The following CNTNAP2 variants were observed in gnomAD, a reference collection of about 807,000 sequenced individuals.
CNTNAP2 encodes the protein contactin-associated protein-like 2.
A neutral mutation model predicts 155.2 loss-of-function variants in CNTNAP2; 98 were observed. The ratio of observed to expected loss-of-function variants is 0.63; its 90% confidence interval spans 0.54 to 0.75. The LOEUF (loss-of-function observed/expected upper bound fraction) is 0.75, where lower values mean the gene tolerates loss of function less well. Ranked by LOEUF, CNTNAP2 falls within the 30% of genes least tolerant of loss-of-function variation. The pLI is 0.00. For synonymous variants in CNTNAP2, 651 were observed against 631.2 expected, an observed-to-expected ratio of 1.03 and a Z score of -0.47; for missense variants, 1,727 against 1,688.1, an observed-to-expected ratio of 1.02 and a Z score of -0.40.
chr7:147,871,995 A>T (rs997786636), intron 13 of CNTNAP2, among the ~76,000 whole-genome samples: 3 of 152,136 alleles, frequency 2.0e-5, no homozygotes, highest in Non-Finnish European at 4.4e-5. Flanking sequence ...AGTGAAATTG[A>T]TTTTTAAATT....
At chr7:148,411,432 A>C (rs1799835267) in intron 23 of CNTNAP2, among the ~76,000 whole-genome samples, 1 of 151,952 alleles carries the variant, frequency 6.6e-6, no homozygotes, top group African/African-American at 2.4e-5. Flanking sequence ...TGCCTGGCTA[A>C]TTTTTGTATT....
At chr7:147,937,351 A>T (rs1800629641) in intron 14 of CNTNAP2, among the ~76,000 whole-genome samples, 1 of 152,136 alleles carries the variant, frequency 6.6e-6, no homozygotes, top group Admixed American at 6.5e-5. Context: ...CAACCATCAT[A>T]ACACATTCCA....
At chr7:147,495,062 G>C (rs6978820) in intron 11 of CNTNAP2, among the ~76,000 whole-genome samples, 3 of 152,076 alleles carry the variant, frequency 2.0e-5, no homozygotes, top group Admixed American at 2.0e-4. Flanking sequence ...TTATGAAGTA[G>C]ACAAGGTAGT....
intron 18 of CNTNAP2, among the ~76,000 whole-genome samples, 178 bp from the exon 19 acceptor site, chr7:148,217,108 CTT>C (rs11384134): frequency 3.5e-5 from 5 of 144,192 alleles, no homozygotes; most frequent in Non-Finnish European, 1.5e-5. Context: ...CTGTTACATG[CTT>C]TTTTTTTTTT....
At chr7:146,829,278 C>A (rs563744378) in intron 2 of CNTNAP2, among the ~76,000 whole-genome samples, 1 of 151,928 alleles carries the variant, frequency 6.6e-6, no homozygotes, top group Admixed American at 6.6e-5. Flanking sequence ...TGCCTAATTG[C>A]CAGAAGGTTA....
At chr7:147,944,354 C>T (rs963863305) in intron 14 of CNTNAP2, among the ~76,000 whole-genome samples, 1 of 152,162 alleles carries the variant, frequency 6.6e-6, no homozygotes, top group African/African-American at 2.4e-5. Context: ...CACATTGACT[C>T]CTGATGTCCC....
At chr7:146,579,274 C>A (rs1798573334) in intron 1 of CNTNAP2, among the ~76,000 whole-genome samples, 1 of 151,976 alleles carries the variant, frequency 6.6e-6, no homozygotes, top group Non-Finnish European at 1.5e-5. Flanking sequence ...AGCTACTTCT[C>A]AAAATTCCAT....
intron 1 of CNTNAP2, among the ~76,000 whole-genome samples, chr7:146,257,216 G>T (rs1170962144): frequency 6.6e-6 from 1 of 152,154 alleles, no homozygotes; most frequent in Non-Finnish European, 1.5e-5. Flanking sequence ...TAAAGGGGGA[G>T]ATGAATTATG....
intron 15 of CNTNAP2, among the ~76,000 whole-genome samples, chr7:148,094,822 G>T (rs1463716743): frequency 6.6e-6 from 1 of 152,210 alleles, no homozygotes; most frequent in East Asian, 1.9e-4. Flanking sequence ...AGCACGTTCT[G>T]ATAGAATTTT....
At chr7:147,782,586 T>C (rs1797675762) in intron 13 of CNTNAP2, among the ~76,000 whole-genome samples, 1 of 152,152 alleles carries the variant, frequency 6.6e-6, no homozygotes, top group Non-Finnish European at 1.5e-5. Flanking sequence ...TCAGGCCTCT[T>C]ATATAAAATA....
rs140996064 is a variant in CNTNAP2, at chr7:146,321,158, T to TG, written c.97+204189dup. 2.6e-3 allele frequency among the ~76,000 whole-genome samples: 389 copies of TG among 152,148 alleles called. 4 individuals carry two copies. The highest frequency in any genetic ancestry group is 9.0e-3 in the African/African-American group (373 of 41,506). On this transcript the variant is annotated intron_variant, in intron 1 of 23. Coordinates refer to ENST00000361727, the MANE Select transcript of CNTNAP2 (RefSeq NM_014141.6). ...GATGATGCGCTTATTAGGAAAACAG[T>TG]GGGGTAAAATAGGGTAGCCGAAATG...
At chr7:147,702,777 C>A (rs984399742) in intron 13 of CNTNAP2, among the ~76,000 whole-genome samples, 3 of 152,020 alleles carry the variant, frequency 2.0e-5, no homozygotes, top group Admixed American at 2.0e-4. Flanking sequence ...CAGAGGGCCC[C>A]AAGTTCAGAA....
At chr7:147,979,000 C>T (rs1801478428) in intron 15 of CNTNAP2, among the ~76,000 whole-genome samples, 2 of 152,078 alleles carry the variant, frequency 1.3e-5, no homozygotes, top group Non-Finnish European at 2.9e-5. Flanking sequence ...ATATTATTAC[C>T]ACTTTGTAAA....
intron 9 of CNTNAP2, among the ~76,000 whole-genome samples, chr7:147,324,535 CTTAAAGG>C (rs60561871): frequency 0.15 from 22,323 of 152,008 alleles, 2,771 homozygotes; most frequent in East Asian, 0.7. Context: ...TAGATATCAA[CTTAAAGG>C]TTAAAGACAT....
At chr7:147,054,851 T>A (rs1200972493) in intron 4 of CNTNAP2, among the ~76,000 whole-genome samples, 4 of 152,158 alleles carry the variant, frequency 2.6e-5, no homozygotes, top group Non-Finnish European at 4.4e-5. Flanking sequence ...TCTTTTATAG[T>A]TAGACTTGAA....
At chr7:146,801,685 T>C (rs541344327) in intron 2 of CNTNAP2, among the ~76,000 whole-genome samples, 2 of 152,300 alleles carry the variant, frequency 1.3e-5, no homozygotes, top group Admixed American at 1.3e-4. Flanking sequence ...TTATTTTTAA[T>C]TGTTTTTCCA....
In CNTNAP2 at chr7:146,662,795, A is replaced by G. The variant is rs536318996; in HGVS notation, c.98-111476A>G. ...TGGTTGAGTCTTTTTCTGCATATGC[A>G]TATGTAATTGAACATTTTTTTAAAT... On this transcript the variant is annotated intron_variant, in intron 1 of 23. Coordinates refer to ENST00000361727, the MANE Select transcript of CNTNAP2 (RefSeq NM_014141.6). Among the ~76,000 whole-genome samples, 5 of 152,170 alleles carry G rather than the reference A, an allele frequency of 3.3e-5. No individual in the cohort carries two copies. In the South Asian group the frequency reaches 6.2e-4, roughly 19 times the overall value.
chr7:147,902,443 G>T (rs1161502309), intron 13 of CNTNAP2, among the ~76,000 whole-genome samples: 1 of 152,116 alleles, frequency 6.6e-6, no homozygotes, highest in Non-Finnish European at 1.5e-5. Context: ...TGGGTAACAG[G>T]TAGTATTTGG....
At chr7:148,118,485 C>G (rs1335387523) in intron 16 of CNTNAP2, among the ~76,000 whole-genome samples, 197 bp downstream of exon 16, 2 of 152,148 alleles carry the variant, frequency 1.3e-5, no homozygotes, top group Admixed American at 6.5e-5. Context: ...CTCAGGGAAG[C>G]AGGCACATCC....
Sources: allele counts gnomAD v4.1 joint callset (sites outside exome capture counted in the v4.1 genomes callset), GRCh38; gene constraint gnomAD v4.1.1; transcripts MANE v1.5; gene names NCBI Gene and HGNC (gene_info 2026-07-23, HGNC 2026-07-21).